KIZ: variants seen among roughly 807,000 people sequenced by gnomAD.
KIZ encodes the protein kizuna centrosomal protein.
KIZ carries 68 observed loss-of-function variants against 79.6 expected under a neutral mutation model. That is an observed-to-expected ratio of 0.85 (90% CI 0.70 to 1.05). KIZ has a LOEUF of 1.05. KIZ is among the 50% of genes least tolerant of loss of function. The pLI is 0.00. For missense variants in KIZ, 797 were observed against 800.4 expected (o/e 1.00, Z 0.05); for synonymous variants, 280 against 281.8 (o/e 0.99, Z 0.06).
intron 6 of KIZ, chr20:21,197,761 A>G (rs2035405920): frequency 6.6e-6 from 1 of 152,246 alleles, no homozygotes; most frequent in African/African-American, 2.4e-5. Flanking sequence ...TCAGTAAACC[A>G]TGAAGAACCA....
intron 3 of KIZ, among the ~76,000 whole-genome samples, chr20:21,137,507 C>G (rs1460350609): frequency 1.4e-5 from 2 of 146,736 alleles, no homozygotes. Flanking sequence ...AGTTTTTCTT[C>G]AGCCTTTTAT....
chr20:21,246,241 A>G (rs1314994139), intron 12 of KIZ: 5 of 506,430 alleles, frequency 9.9e-6, no homozygotes, highest in Non-Finnish European at 1.4e-5. Context: ...ACAGAAGGGA[A>G]AAGGAAGTAT....
chr20:21,166,738 G>A lies in KIZ; in HGVS notation c.1352+3579G>A, dbSNP rs965704099. On this transcript the variant is annotated intron_variant, in intron 6 of 12. Transcript: ENST00000619189. The stretch of plus-strand genomic sequence containing the variant: ...TTCCCAAAGTGTTGGGATTACAAGC[G>A]TGAGCCACCGCACCTGGCCAATTTT... 2.8e-5 allele frequency: 17 copies of A among 607,794 alleles called. No homozygotes were observed. The Admixed American group carries it at 3.8e-4, about 14-fold the overall frequency. 37.7% of individuals were successfully genotyped at this position (607,794 alleles called of 1,614,324 possible).
Position 21,132,107 on chromosome 20 carries a change from A to G in KIZ, c.100A>G (p.Arg34Gly). 1 of 1,363,852 alleles carries G rather than the reference A, an allele frequency of 7.3e-7. No individual in the cohort carries two copies. The highest frequency in any genetic ancestry group is 1.0e-6 in the Non-Finnish European group (1 of 981,666). 84.5% of individuals were successfully genotyped at this position (1,363,852 alleles called of 1,614,324 possible). The change falls in exon 2 of 13, where the codon AGA becomes GGA. Residue 34 changes from arginine (R) to glycine (G), a missense_variant. Coordinates refer to ENST00000619189, the MANE Select transcript of KIZ (RefSeq NM_018474.6). Reference protein sequence around the residue: ...QHGLRDSEKKRLDLEKKLYEY... With the variant: ...QHGLRDSEKKGLDLEKKLYEY... ...TGTTTTTTATTATAGTGAAAAGAAG[A>G]GATTGGACCTGGAAAAGAAACTTTA...
chr20:21,137,951 T>A (rs546646227), intron 3 of KIZ, among the ~76,000 whole-genome samples: 81 of 152,238 alleles, frequency 5.3e-4, no homozygotes, highest in African/African-American at 1.9e-3. Flanking sequence ...TTTTATTTTT[T>A]TGTAGAGATG....
chr20:21,172,250 T>C (rs1221124107), intron 6 of KIZ, among the ~76,000 whole-genome samples: 1 of 152,172 alleles, frequency 6.6e-6, no homozygotes, highest in Non-Finnish European at 1.5e-5. Context: ...ATGGTACTTA[T>C]GATCATGCAT....
intron 9 of KIZ, among the ~76,000 whole-genome samples, chr20:21,224,055 G>A (rs1373249686): frequency 3.3e-5 from 5 of 152,026 alleles, no homozygotes; most frequent in East Asian, 1.9e-4. Context: ...GTGCAATGGC[G>A]CGATCTCGGG....
chr20:21,172,559 A>C (rs1024467773), intron 6 of KIZ, among the ~76,000 whole-genome samples: 3 of 152,120 alleles, frequency 2.0e-5, no homozygotes, highest in Non-Finnish European at 4.4e-5. Flanking sequence ...AGATTGTGCC[A>C]CTGCACTCCA....
chr20:21,237,877 T>G (rs2037074733), intron 11 of KIZ, among the ~76,000 whole-genome samples: 1 of 152,242 alleles, frequency 6.6e-6, no homozygotes, highest in African/African-American at 2.4e-5. Context: ...TCACCCAGGC[T>G]GGAGTACAGT....
chr20:21,189,418 G>C (rs541998182), intron 6 of KIZ, among the ~76,000 whole-genome samples: 1 of 152,090 alleles, frequency 6.6e-6, no homozygotes, highest in Admixed American at 6.6e-5. Context: ...TATTAAAAAT[G>C]GGTGATTGGT....
chr20:21,197,728 C>A (rs556339073), intron 6 of KIZ: 1 of 152,282 alleles, frequency 6.6e-6, no homozygotes, highest in Admixed American at 6.5e-5. Context: ...ATTTTAATGT[C>A]CAGATTATAT....
chr20:21,140,520 C>G (rs936049273), intron 3 of KIZ, among the ~76,000 whole-genome samples: 7 of 152,186 alleles, frequency 4.6e-5, no homozygotes, highest in African/African-American at 1.7e-4. Context: ...ACTGAAAACA[C>G]TGTCAACTGA....
Position 21,162,923 on chromosome 20 carries a change from G to A in KIZ, c.1116G>A (p.Trp372Ter). The change falls in exon 6 of 13, where the codon TGG becomes TGA. Residue 372 changes from tryptophan (W) to a stop codon, truncating the protein, a stop_gained. Coordinates refer to ENST00000619189, the MANE Select transcript of KIZ (RefSeq NM_018474.6). LOFTEE classifies it high-confidence loss of function. ...RKMQEEEEES[W>*]STSSDLTISI... ...TGCAGGAAGAGGAGGAGGAAAGTTG[G>A]AGCACCAGCAGTGACCTTACCATTT... 4 of 1,613,640 alleles carry A rather than the reference G, an allele frequency of 2.5e-6. No individual in the cohort carries two copies. The highest frequency in any genetic ancestry group is 3.4e-6 in the Non-Finnish European group (4 of 1,179,750).
intron 9 of KIZ, among the ~76,000 whole-genome samples, chr20:21,225,815 G>T (rs2036636612): frequency 6.6e-6 from 1 of 152,154 alleles, no homozygotes; most frequent in Non-Finnish European, 1.5e-5. Flanking sequence ...TGTTTCAGGA[G>T]GATGTCTGAT....
intron 8 of KIZ, 118 bp from the exon 9 acceptor site, chr20:21,215,465 G>C: frequency 2.0e-6 from 1 of 493,998 alleles, no homozygotes; most frequent in Non-Finnish European, 3.7e-6. Flanking sequence ...TATTGTTTCA[G>C]ACAAGAAATA....
chr20:21,226,886 A>C (rs1291939147), intron 9 of KIZ, among the ~76,000 whole-genome samples: 6 of 152,116 alleles, frequency 3.9e-5, no homozygotes, highest in Non-Finnish European at 7.4e-5. Flanking sequence ...TAAGGATGAA[A>C]CACCAGTGAG....
chr20:21,176,711 A>G (rs1364226324), intron 6 of KIZ, among the ~76,000 whole-genome samples: 1 of 152,218 alleles, frequency 6.6e-6, no homozygotes, highest in Non-Finnish European at 1.5e-5. Flanking sequence ...AGAGCTCTAA[A>G]GGAAAAAGAG....
Position 21,206,043 on chromosome 20 carries a change from G to A in KIZ, c.1446+459G>A, listed in dbSNP as rs77284243. 6.1e-3 allele frequency among the ~76,000 whole-genome samples: 922 copies of A among 152,272 alleles called. 13 individuals are homozygous for A. Among genetic ancestry groups the A allele is most frequent in the African/African-American group, 0.022 (903 of 41,552 alleles). On this transcript the variant is annotated intron_variant, in intron 7 of 12. Transcript: ENST00000619189. ...AACGATAAGAAAAGTAGTAAGTGAG[G>A]TTTTGTGGTTGGTTGGTTTTTAACT...
chr20:21,246,562 G>T lies in KIZ; in HGVS notation c.2008G>T (p.Asp670Tyr), dbSNP rs959046626. Residue 670 changes from aspartate to tyrosine, a missense_variant, in exon 13 of 13, where the codon GAT becomes TAT. Asp to Tyr is a radical substitution (Grantham distance 160). Coordinates refer to ENST00000619189, the MANE Select transcript of KIZ (RefSeq NM_018474.6). ...PRNHNTDDSD[D>Y]FYD ...AAACCATAACACCGATGATTCTGAT[G>T]ATTTTTATGACTAACGTGCTGTGAC... 2 of 1,602,844 alleles carry T rather than the reference G, an allele frequency of 1.2e-6. No individual in the cohort carries two copies. Among genetic ancestry groups the T allele is most frequent in the South Asian group, 2.2e-5 (2 of 90,616 alleles).
Sources: gnomAD v4.1 joint callset for allele counts (sites outside exome capture counted in the v4.1 genomes callset) on GRCh38, gnomAD v4.1.1 for gene constraint, MANE v1.5 for transcripts, NCBI Gene and HGNC (gene_info 2026-07-23, HGNC 2026-07-21) for gene names.